ZNF566: variants seen among roughly 807,000 people sequenced by gnomAD.
ZNF566 encodes the protein zinc finger protein 566.
In ZNF566, 27 loss-of-function variants were observed where a neutral mutation model predicts 32.8. That is an observed-to-expected ratio of 0.82 (90% CI 0.61 to 1.14). The LOEUF is 1.14. Among genes scored for constraint, ZNF566 ranks in the 50% most tolerant of loss-of-function variants. The probability of loss-of-function intolerance (pLI) is 0.00; values close to 1 mark genes in which losing one functional copy is unlikely to be tolerated. For synonymous variants in ZNF566, 154 were observed against 159.5 expected (o/e 0.97, Z 0.26); for missense variants, 402 against 490.4 (o/e 0.82, Z 1.70).
intron 4 of ZNF566, 123 bp downstream of exon 4, chr19:36,472,788 T>C (rs773600256): frequency 1.7e-5 from 12 of 705,720 alleles, no homozygotes; most frequent in Non-Finnish European, 2.6e-5. Flanking sequence ...AAAGCTCATG[T>C]AGAAAAGGTC....
In ZNF566 at chr19:36,487,922, AAG is replaced by A. The variant is rs1491138625; in HGVS notation, c.-60+1562_-60+1563del. On this transcript the variant is annotated intron_variant, in intron 1 of 4. Transcript: ENST00000452939. ...CAAAAAAAAAAAAAAAAAAAAAAAA[AAG>A]AATGGGTAAAACTAGTTAATGATAG... Among the ~76,000 whole-genome samples the A allele has an allele frequency of 1.7e-3, 250 of 146,166 alleles. 12 individuals carry two copies. The highest frequency in any genetic ancestry group is 5.2e-3 in the South Asian group (24 of 4,632).
chr19:36,453,573 C>A (rs1446807591), intron 4 of ZNF566, among the ~76,000 whole-genome samples: 1 of 150,750 alleles, frequency 6.6e-6, no homozygotes, highest in Non-Finnish European at 1.5e-5. Context: ...AATAGATACA[C>A]AATATATAAA....
intron 4 of ZNF566, among the ~76,000 whole-genome samples, chr19:36,461,014 T>C (rs527467691): frequency 2.0e-5 from 3 of 152,280 alleles, no homozygotes; most frequent in East Asian, 1.9e-4. Flanking sequence ...CAAATGTACA[T>C]TGCAGCTCAG....
chr19:36,465,597 G>A (rs1231863263), intron 4 of ZNF566, among the ~76,000 whole-genome samples: 1 of 151,686 alleles, frequency 6.6e-6, no homozygotes, highest in Non-Finnish European at 1.5e-5. Context: ...TCAGCCTCCC[G>A]AGTACCTGGG....
chr19:36,476,861 ATTTT>A (rs886894978), intron 1 of ZNF566, among the ~76,000 whole-genome samples: 19 of 152,124 alleles, frequency 1.2e-4, no homozygotes, highest in African/African-American at 4.6e-4. Flanking sequence ...ATACATATAG[ATTTT>A]TTTAACTCAT....
chr19:36,470,152 T>C (rs2033726558), intron 4 of ZNF566, among the ~76,000 whole-genome samples: 1 of 152,166 alleles, frequency 6.6e-6, no homozygotes, highest in African/African-American at 2.4e-5. Context: ...CTAGGGGATT[T>C]CATCCAGTCA....
chr19:36,477,852 T>A (rs1181736722), intron 1 of ZNF566, among the ~76,000 whole-genome samples: 1 of 151,988 alleles, frequency 6.6e-6, no homozygotes, highest in East Asian at 1.9e-4. Flanking sequence ...CTTTAAGATG[T>A]TTAAAGTGCC....
Position 36,449,291 on chromosome 19 carries a change from C to T in ZNF566, c.943G>A (p.Glu315Lys). ...CTCTGACTAAAGGCATTGCCACATT[C>T]CTTACATTCATAGGGTTTTTCCCCA... Reference protein sequence around the residue: ...HTGEKPYECKECGNAFSQSSQ... With the variant: ...HTGEKPYECKKCGNAFSQSSQ... The change falls in exon 5 of 5, where the codon GAA becomes AAA. Residue 315 changes from glutamate (E) to lysine (K), a missense_variant. Coordinates refer to ENST00000452939, the MANE Select transcript of ZNF566 (RefSeq NM_001145344.1). 6.2e-7 allele frequency: 1 copy of T among 1,613,982 alleles called. No individual in the cohort carries two copies. Among genetic ancestry groups the T allele is most frequent in the African/African-American group, 1.3e-5 (1 of 74,988 alleles).
chr19:36,481,852 T>G (rs2034040673), intron 1 of ZNF566, among the ~76,000 whole-genome samples: 1 of 152,176 alleles, frequency 6.6e-6, no homozygotes. Flanking sequence ...CTATGATAAA[T>G]CCACAGGCTG....
rs536048481 is a variant in ZNF566 at position 36,449,689 on chromosome 19, T to C, written c.545A>G (p.His182Arg). Residue 182 changes from histidine (H) to arginine (R), a missense_variant, in exon 5 of 5, where the codon CAT becomes CGT. Transcript: ENST00000452939. Reference protein sequence around the residue: ...ASKEYRKTFRHGSQFATHEII... With the variant: ...ASKEYRKTFRRGSQFATHEII... ...CTCATGTGTAGCAAACTGTGAGCCA[T>C]GTCTAAAGGTTTTCCTATATTCTTT... The C allele has an allele frequency of 1.9e-6, 3 of 1,614,136 alleles. No homozygotes were observed. The East Asian group carries it at 6.7e-5, about 36-fold the overall frequency.
chr19:36,475,277 A>C (rs947032644), intron 2 of ZNF566, among the ~76,000 whole-genome samples: 6 of 152,078 alleles, frequency 3.9e-5, no homozygotes, highest in African/African-American at 1.4e-4. Flanking sequence ...GGGTTCAAGC[A>C]AACCACCAGC....
rs759281599 is a variant in ZNF566 at position 36,486,671 on chromosome 19, C to CAA, written c.-60+2813_-60+2814dup. 1.6e-3 allele frequency among the ~76,000 whole-genome samples: 127 copies of CAA among 80,904 alleles called. No individual in the cohort carries two copies. The East Asian group carries it at 0.035, about 23-fold the overall frequency. The allele number at this position is 80,904 out of a possible 152,430, so 53.1% of individuals were successfully genotyped here. The stretch of plus-strand genomic sequence containing the variant: ...GGGCAGCAAGAGCGAAACTCTGTCT[C>CAA]AAAAAAAAAAAAAAAAAATGAAAGA... On this transcript the variant is annotated intron_variant, in intron 1 of 4. Transcript: ENST00000452939.
rs2033891545 is a variant in ZNF566 at position 36,476,560 on chromosome 19, C to A, written c.-3G>T. The A allele has an allele frequency of 6.2e-7, 1 of 1,613,454 alleles. No individual in the cohort carries two copies. Among genetic ancestry groups the A allele is most frequent in the Admixed American group, 1.7e-5 (1 of 59,918 alleles). On this transcript the variant is annotated 5_prime_UTR_variant, in exon 2 of 5. Transcript: ENST00000452939. The stretch of plus-strand genomic sequence containing the variant: ...AAACAGTATCTCACCTGAGCCATGG[C>A]TCTGATATTTGTAGAAAAGGACCTT...
intron 1 of ZNF566, among the ~76,000 whole-genome samples, chr19:36,478,712 T>C (rs2033955789): frequency 6.6e-6 from 1 of 152,122 alleles, no homozygotes; most frequent in Non-Finnish European, 1.5e-5. Flanking sequence ...GGAGAGACAG[T>C]TACCATGGGT....
intron 4 of ZNF566, among the ~76,000 whole-genome samples, chr19:36,453,439 C>T (rs968787326): frequency 6.6e-6 from 1 of 150,476 alleles, no homozygotes; most frequent in Admixed American, 6.7e-5. Flanking sequence ...CGCCACTGCA[C>T]TCCAGCCTGG....
chr19:36,476,518 T>A (rs767309799), intron 2 of ZNF566, 31 bp downstream of exon 2: 2 of 1,598,034 alleles, frequency 1.3e-6, no homozygotes, highest in South Asian at 1.1e-5. Context: ...TAAAAATCAC[T>A]CTATCTGAGC....
intron 4 of ZNF566, among the ~76,000 whole-genome samples, chr19:36,452,835 C>G (rs578080340): frequency 6.6e-6 from 1 of 152,020 alleles, no homozygotes; most frequent in South Asian, 2.1e-4. Flanking sequence ...AGTTAGAAGA[C>G]AAGGCTGGGC....
At chr19:36,487,072 AGAGC>A (rs1391242734) in intron 1 of ZNF566, among the ~76,000 whole-genome samples, 3 of 145,176 alleles carry the variant, frequency 2.1e-5, no homozygotes, top group African/African-American at 7.7e-5. Flanking sequence ...CCTGGGCCAC[AGAGC>A]GAGACTCCGT....
At chr19:36,475,425 T>C (rs1003813638) in intron 2 of ZNF566, among the ~76,000 whole-genome samples, 3 of 152,156 alleles carry the variant, frequency 2.0e-5, no homozygotes, top group African/African-American at 7.2e-5. Context: ...AAAAGGCTCG[T>C]TAACCAGGAG....
Sources: allele counts gnomAD v4.1 joint callset (sites outside exome capture counted in the v4.1 genomes callset), GRCh38; gene constraint gnomAD v4.1.1; transcripts MANE v1.5; gene names NCBI Gene and HGNC (gene_info 2026-07-23, HGNC 2026-07-21).